The following LGR6 variants were observed in gnomAD, a reference collection of about 807,000 sequenced individuals.
LGR6 encodes the protein leucine rich repeat containing G protein-coupled receptor 6.
In LGR6, 45 loss-of-function variants were observed where a neutral mutation model predicts 69.4. The observed-to-expected ratio is 0.65, with a 90% CI of 0.51 to 0.83. The LOEUF is 0.83. Ranked by LOEUF, LGR6 falls within the 40% of genes least tolerant of loss-of-function variation. LGR6 has a pLI of 0.00. For synonymous variants in LGR6, 538 were observed against 555.0 expected (o/e 0.97, Z 0.43); for missense variants, 1,108 against 1,246.7 (o/e 0.89, Z 1.68).
chr1:202,259,864 C>A (rs1445392913), intron 4 of LGR6, among the ~76,000 whole-genome samples: 1 of 152,212 alleles, frequency 6.6e-6, no homozygotes, highest in Non-Finnish European at 1.5e-5. Context: ...CAGGCAAAAG[C>A]CTGGCCAATC....
At chr1:202,256,557 T>C (rs911142572) in intron 4 of LGR6, among the ~76,000 whole-genome samples, 2 of 152,264 alleles carry the variant, frequency 1.3e-5, no homozygotes, top group Non-Finnish European at 2.9e-5. Context: ...TATTCCTTTT[T>C]ATAGCTGAAT....
chr1:202,293,641 G>A (rs1666950392), intron 6 of LGR6, among the ~76,000 whole-genome samples: 1 of 152,098 alleles, frequency 6.6e-6, no homozygotes, highest in African/African-American at 2.4e-5. Flanking sequence ...CATGTTCCCT[G>A]GACAATTAGA....
At chr1:202,258,600 T>C (rs1663975562) in intron 4 of LGR6, among the ~76,000 whole-genome samples, 1 of 152,028 alleles carries the variant, frequency 6.6e-6, no homozygotes, top group Non-Finnish European at 1.5e-5. Context: ...CTATTGCTAA[T>C]GTAAAGGGGG....
chr1:202,271,526 G>A (rs1665097083), intron 4 of LGR6, among the ~76,000 whole-genome samples: 1 of 152,104 alleles, frequency 6.6e-6, no homozygotes, highest in South Asian at 2.1e-4. Flanking sequence ...TACAGGGGAG[G>A]CTGGGCGCGG....
chr1:202,254,096 C>T (rs1214060983), intron 4 of LGR6, among the ~76,000 whole-genome samples: 1 of 152,072 alleles, frequency 6.6e-6, no homozygotes, highest in African/African-American at 2.4e-5. Context: ...TGAGCCACCG[C>T]GCCCGGCCTC....
intron 4 of LGR6, among the ~76,000 whole-genome samples, chr1:202,259,850 T>A (rs1664077087): frequency 6.6e-6 from 1 of 152,140 alleles, no homozygotes; most frequent in Admixed American, 6.6e-5. Flanking sequence ...CTGGACACCC[T>A]CTCCAGGCAA....
At chr1:202,194,712 G>GGGCGGGTTTCCTA in intron 1 of LGR6, 1 of 255,972 alleles carries the variant, frequency 3.9e-6, no homozygotes, top group Non-Finnish European at 7.9e-6. Flanking sequence ...GGGCGGGGGG[G>GGGCGGGTTTCCTA]GCGGGTTTCC....
chr1:202,215,275 C>A (rs931996235), intron 1 of LGR6, among the ~76,000 whole-genome samples: 2 of 152,176 alleles, frequency 1.3e-5, no homozygotes, highest in Non-Finnish European at 2.9e-5. Flanking sequence ...TTCACCTCCC[C>A]AATCCTTGTG....
At chr1:202,270,205 A>G (rs543861962) in intron 4 of LGR6, among the ~76,000 whole-genome samples, 16 of 151,920 alleles carry the variant, frequency 1.1e-4, no homozygotes, top group Admixed American at 7.9e-4. Flanking sequence ...TAGAGTGAAA[A>G]GAAGCTCTGA....
chr1:202,251,959 C>G (rs1273018535), intron 4 of LGR6, among the ~76,000 whole-genome samples: 1 of 151,938 alleles, frequency 6.6e-6, no homozygotes, highest in Non-Finnish European at 1.5e-5. Flanking sequence ...TGGAGGCAAA[C>G]AAATAGTCCC....
At chr1:202,313,226 C>CAAAA (rs750602882) in intron 16 of LGR6, among the ~76,000 whole-genome samples, 1 of 96,112 alleles carries the variant, frequency 1.0e-5, no homozygotes, top group Non-Finnish European at 2.2e-5. Context: ...GACTCCATCT[C>CAAAA]AAAAAAAAAA....
chr1:202,204,225 A>ACC (rs766200599), intron 1 of LGR6, among the ~76,000 whole-genome samples: 3 of 135,718 alleles, frequency 2.2e-5, no homozygotes, highest in Admixed American at 1.6e-4. Context: ...ACACACACAC[A>ACC]CCTCCACACA....
chr1:202,260,775 T>C (rs1664166745), intron 4 of LGR6, among the ~76,000 whole-genome samples: 1 of 152,226 alleles, frequency 6.6e-6, no homozygotes, highest in Admixed American at 6.5e-5. Context: ...AACTAACTAA[T>C]ATATTTTTTT....
intron 4 of LGR6, among the ~76,000 whole-genome samples, chr1:202,269,354 C>T (rs1295878046): frequency 1.3e-5 from 2 of 152,174 alleles, no homozygotes; most frequent in African/African-American, 2.4e-5. Flanking sequence ...ATTCAGCAAC[C>T]TGAGTTTGTA....
intron 4 of LGR6, among the ~76,000 whole-genome samples, chr1:202,244,160 T>C (rs1571881544): frequency 6.6e-6 from 1 of 152,142 alleles, no homozygotes; most frequent in African/African-American, 2.4e-5. Context: ...GGTTTCACCA[T>C]GGTGGCCAGG....
At chr1:202,239,344 GGTGTGTGTGT>G (rs36157781) in intron 4 of LGR6, among the ~76,000 whole-genome samples, 57,453 of 144,118 alleles carry the variant, frequency 0.4, 11,445 homozygotes, top group Middle Eastern at 0.48. Flanking sequence ...GTGTGTGTGT[GGTGTGTGTGT>G]GTGTGTGTGT....
intron 5 of LGR6, among the ~76,000 whole-genome samples, chr1:202,280,142 G>T (rs1665892815): frequency 6.6e-6 from 1 of 151,928 alleles, no homozygotes; most frequent in Non-Finnish European, 1.5e-5. Flanking sequence ...TGCTTGGATA[G>T]CTCTGTCCAG....
rs138161049 is a variant in LGR6 at position 202,317,480 on chromosome 1, G to C, written c.1649-472G>C. Among the ~76,000 whole-genome samples the C allele has an allele frequency of 6.3e-3, 962 of 152,160 alleles. 11 individuals carry two copies. Among genetic ancestry groups the C allele is most frequent in the African/African-American group, 0.022 (906 of 41,498 alleles). ...CTGCCTCAGCCTCCCAAGTAGTTGG[G>C]ACTACATGTGCGTGCCACCACACCC... On this transcript the variant is annotated intron_variant, in intron 17 of 17. Transcript: ENST00000367278.
intron 9 of LGR6, among the ~76,000 whole-genome samples, chr1:202,301,976 G>A (rs1488321794): frequency 2.0e-5 from 3 of 152,102 alleles, no homozygotes; most frequent in African/African-American, 7.2e-5. Context: ...CCGAGATCGC[G>A]CCATTGCACT....
Sources: allele counts gnomAD v4.1 joint callset (sites outside exome capture counted in the v4.1 genomes callset), GRCh38; gene constraint gnomAD v4.1.1; transcripts MANE v1.5; gene names NCBI Gene and HGNC (gene_info 2026-07-23, HGNC 2026-07-21).